Variants in ARK2C observed in about 807,000 individuals in gnomAD.
ARK2C encodes the protein arkadia (RNF111) C-terminal like ring finger ubiquitin ligase 2C, also known as E3 ubiquitin-protein ligase ARK2C.
chr18:46,343,342 A>G, the ARK2C span, among the ~76,000 whole-genome samples: 1 of 152,248 alleles, frequency 6.6e-6, no homozygotes, highest in Non-Finnish European at 1.5e-5. Context: ...TTCCACTGTG[A>G]TCTTGAACAG....
the ARK2C span, among the ~76,000 whole-genome samples, chr18:46,373,768 G>A: frequency 5.3e-5 from 8 of 152,158 alleles, no homozygotes; most frequent in Non-Finnish European, 8.8e-5. Flanking sequence ...AATCTTACAC[G>A]TGGGGAAGCT....
chr18:46,349,769 G>T, the ARK2C span, among the ~76,000 whole-genome samples: 1 of 151,906 alleles, frequency 6.6e-6, no homozygotes, highest in African/African-American at 2.4e-5. Context: ...CTATCTAGTT[G>T]GGCACCCCTT....
At chr18:46,394,299 G>A in the ARK2C span, among the ~76,000 whole-genome samples, 3 of 152,188 alleles carry the variant, frequency 2.0e-5, no homozygotes, top group African/African-American at 4.8e-5. Flanking sequence ...CTCTAGTTGC[G>A]TCCCAGCTCA....
At chr18:46,406,277 G>A in the ARK2C span, among the ~76,000 whole-genome samples, 1 of 152,208 alleles carries the variant, frequency 6.6e-6, no homozygotes, top group African/African-American at 2.4e-5. Flanking sequence ...ACTGTCACGG[G>A]ACTGGATGCC....
At chr18:46,409,761 G>A in the ARK2C span, among the ~76,000 whole-genome samples, 68 of 152,284 alleles carry the variant, frequency 4.5e-4, 2 homozygotes, top group South Asian at 9.5e-3. Flanking sequence ...CCCTTCAGGC[G>A]TCTTGCTTTC....
chr18:46,410,223 C>G, the ARK2C span, among the ~76,000 whole-genome samples: 1 of 152,242 alleles, frequency 6.6e-6, no homozygotes, highest in Non-Finnish European at 1.5e-5. Context: ...AGCTTGGCTT[C>G]TTGCACCTCA....
chr18:46,450,277 G>A, the ARK2C span: 3 of 1,551,282 alleles, frequency 1.9e-6, no homozygotes, highest in Non-Finnish European at 2.7e-6. Flanking sequence ...CTCTATCCAA[G>A]GCGTTTTCTA....
the ARK2C span, among the ~76,000 whole-genome samples, chr18:46,408,000 G>T: frequency 5.0e-4 from 76 of 152,328 alleles, no homozygotes; most frequent in Middle Eastern, 3.4e-3. Flanking sequence ...GAGCTTTGAA[G>T]TCTGAGTCAG....
chr18:46,420,103 G>A, the ARK2C span, among the ~76,000 whole-genome samples: 15 of 152,270 alleles, frequency 9.9e-5, no homozygotes, highest in East Asian at 1.9e-3. Context: ...TTTCAGGGGC[G>A]TGTGGAGGTC....
chr18:46,359,074 C>T, the ARK2C span, among the ~76,000 whole-genome samples: 6 of 152,284 alleles, frequency 3.9e-5, no homozygotes, highest in African/African-American at 7.2e-5. Flanking sequence ...TTGTCCTCCC[C>T]GTAAAAGGAG....
chr18:46,460,328 G>C, the ARK2C span: 1 of 152,052 alleles, frequency 6.6e-6, no homozygotes, highest in African/African-American at 2.4e-5. Context: ...TCCTGCGCGC[G>C]TAGAGCAAAT....
chr18:46,406,978 T>C, the ARK2C span, among the ~76,000 whole-genome samples: 1 of 152,232 alleles, frequency 6.6e-6, no homozygotes, highest in Admixed American at 6.5e-5. Context: ...AACAGCCTAG[T>C]TTCCCTTTAA....
At chr18:46,359,499 A>G in the ARK2C span, among the ~76,000 whole-genome samples, 1 of 152,186 alleles carries the variant, frequency 6.6e-6, no homozygotes, top group Non-Finnish European at 1.5e-5. Context: ...GCCAGGGCTC[A>G]TGGCTTGTCC....
the ARK2C span, among the ~76,000 whole-genome samples, chr18:46,417,067 T>C: frequency 6.6e-6 from 1 of 152,136 alleles, no homozygotes; most frequent in Non-Finnish European, 1.5e-5. Context: ...AGATATGGAG[T>C]CTATCTTGTC....
the ARK2C span, among the ~76,000 whole-genome samples, chr18:46,400,959 G>A: frequency 6.6e-6 from 1 of 152,144 alleles, no homozygotes; most frequent in Non-Finnish European, 1.5e-5. Context: ...GGGATACGGG[G>A]AACATGAAGA....
the ARK2C span, among the ~76,000 whole-genome samples, chr18:46,445,602 C>T: frequency 6.6e-6 from 1 of 152,170 alleles, no homozygotes. Context: ...AGACCTCAGC[C>T]TCCTGGAAAT....
chr18:46,449,011 C>A, the ARK2C span, among the ~76,000 whole-genome samples: 2 of 152,098 alleles, frequency 1.3e-5, no homozygotes, highest in Non-Finnish European at 2.9e-5. Flanking sequence ...GTATGAAGCA[C>A]CATCTCTTAG....
the ARK2C span, among the ~76,000 whole-genome samples, chr18:46,401,737 G>A: frequency 2.0e-5 from 3 of 152,186 alleles, no homozygotes; most frequent in Non-Finnish European, 2.9e-5. Flanking sequence ...GCTTCTCCAC[G>A]GAGCTTCCTG....
At chr18:46,417,445 C>T in the ARK2C span, among the ~76,000 whole-genome samples, 17 of 152,266 alleles carry the variant, frequency 1.1e-4, no homozygotes, top group African/African-American at 3.9e-4. Context: ...GGCTTGCCCT[C>T]ACCACAGGGC....
Sources: gnomAD v4.1 joint callset for allele counts (sites outside exome capture counted in the v4.1 genomes callset) on GRCh38, gnomAD v4.1.1 for gene constraint, MANE v1.5 for transcripts, NCBI Gene and HGNC (gene_info 2026-07-23, HGNC 2026-07-21) for gene names.